LINGO2: variants seen among roughly 807,000 people sequenced by gnomAD.
LINGO2 encodes leucine rich repeat and Ig domain containing 2.
Under a neutral mutation model 30.6 loss-of-function variants are expected in LINGO2, and 14 were observed. The ratio of observed to expected loss-of-function variants is 0.46; its 90% CI spans 0.30 to 0.72. The LOEUF is 0.72. Among genes scored for constraint, LINGO2 ranks in the 30% least tolerant of loss-of-function variants. The pLI, the probability that LINGO2 is intolerant of heterozygous loss-of-function variation, is 0.07. For synonymous variants in LINGO2, 317 were observed against 288.5 expected (o/e 1.10, Z -1.00); for missense variants, 729 against 751.7 (o/e 0.97, Z 0.35).
chr9:28,313,894 C>G (rs951433991), intron 3 of LINGO2, among the ~76,000 whole-genome samples: 4 of 152,060 alleles, frequency 2.6e-5, no homozygotes, highest in African/African-American at 9.7e-5. Flanking sequence ...CTTAGTTGCT[C>G]AACACGTTGA....
chr9:28,057,360 T>C (rs1824976073), intron 4 of LINGO2, among the ~76,000 whole-genome samples: 2 of 151,810 alleles, frequency 1.3e-5, no homozygotes, highest in South Asian at 2.1e-4. Flanking sequence ...GGAAACAGCA[T>C]ATTCAGCCTT....
the LINGO2 span, among the ~76,000 whole-genome samples, chr9:28,876,232 GTAT>G: frequency 7.9e-5 from 12 of 151,552 alleles, no homozygotes; most frequent in South Asian, 2.1e-4. Context: ...CTACGATATA[GTAT>G]TATTATTATT....
chr9:28,406,783 T>C (rs1185603290), intron 2 of LINGO2, among the ~76,000 whole-genome samples: 3 of 152,172 alleles, frequency 2.0e-5, no homozygotes, highest in Non-Finnish European at 4.4e-5. Context: ...AGGATAAACA[T>C]GTTTCTAGAT....
the LINGO2 span, among the ~76,000 whole-genome samples, chr9:28,883,719 C>G: frequency 8.3e-5 from 11 of 133,222 alleles, no homozygotes; most frequent in East Asian, 2.3e-3. Context: ...GCTTTGTCAC[C>G]CAGGCTGAAG....
the LINGO2 span, among the ~76,000 whole-genome samples, chr9:29,058,185 T>A: frequency 6.6e-6 from 1 of 152,074 alleles, no homozygotes; most frequent in African/African-American, 2.4e-5. Flanking sequence ...GCTATTTTAA[T>A]ATACCTAAAT....
intron 4 of LINGO2, among the ~76,000 whole-genome samples, chr9:28,217,330 G>C (rs866286157): frequency 2.0e-4 from 30 of 151,714 alleles, no homozygotes; most frequent in Admixed American, 1.2e-3. Flanking sequence ...AATAGTTCCT[G>C]TGCCTATTGG....
intron 4 of LINGO2, among the ~76,000 whole-genome samples, chr9:28,286,558 C>A (rs1349561449): frequency 6.6e-6 from 1 of 152,152 alleles, no homozygotes; most frequent in Non-Finnish European, 1.5e-5. Context: ...TGGAATCAAT[C>A]TAAATGTCCA....
chr9:28,866,063 G>A, the LINGO2 span, among the ~76,000 whole-genome samples: 2 of 151,968 alleles, frequency 1.3e-5, no homozygotes, highest in African/African-American at 4.8e-5. Context: ...CTTCATGCAA[G>A]TCCCTCTTTA....
chr9:29,171,452 T>G, the LINGO2 span, among the ~76,000 whole-genome samples: 2 of 152,030 alleles, frequency 1.3e-5, no homozygotes, highest in Non-Finnish European at 2.9e-5. Flanking sequence ...TTTTCTTTGT[T>G]TGGGCATCTT....
intron 1 of LINGO2, among the ~76,000 whole-genome samples, chr9:28,493,162 GAC>G (rs751734563): frequency 3.3e-5 from 5 of 152,062 alleles, no homozygotes; most frequent in African/African-American, 9.7e-5. Flanking sequence ...TGCATTTCCT[GAC>G]ATAGGAAATG....
the LINGO2 span, among the ~76,000 whole-genome samples, chr9:28,911,796 A>G: frequency 2.0e-5 from 3 of 152,112 alleles, no homozygotes; most frequent in African/African-American, 7.2e-5. Context: ...AATGCCATAC[A>G]GAAAGAGATG....
downstream of LINGO2, among the ~76,000 whole-genome samples, chr9:27,946,824 C>T (rs1823382544): frequency 6.6e-6 from 1 of 152,066 alleles, no homozygotes; most frequent in Non-Finnish European, 1.5e-5. Context: ...ACAGGCAATT[C>T]TTCAATCTTT....
the LINGO2 span, among the ~76,000 whole-genome samples, chr9:28,701,159 A>T: frequency 2.0e-5 from 3 of 151,884 alleles, no homozygotes; most frequent in Non-Finnish European, 4.4e-5. Context: ...TTTTAATTTT[A>T]ATCAAACCCA....
chr9:28,707,840 G>A, the LINGO2 span, among the ~76,000 whole-genome samples: 3 of 152,174 alleles, frequency 2.0e-5, no homozygotes, highest in South Asian at 4.2e-4. Context: ...AAAGGGACTC[G>A]CAGGGAGTCC....
the LINGO2 span, among the ~76,000 whole-genome samples, chr9:28,838,777 C>CCACTTGGCGGGGCAGGCTA: frequency 6.6e-6 from 1 of 152,212 alleles, no homozygotes; most frequent in East Asian, 1.9e-4. Flanking sequence ...CTCATTCTGC[C>CCACTTGGCGGGGCAGGCTA]CACTTGGCGG....
intron 3 of LINGO2, among the ~76,000 whole-genome samples, chr9:28,340,493 A>G (rs976711647): frequency 4.6e-5 from 7 of 152,114 alleles, no homozygotes; most frequent in African/African-American, 1.7e-4. Context: ...ATTCCAACAT[A>G]TATCACACTA....
At chr9:28,391,947 G>T (rs999191123) in intron 2 of LINGO2, among the ~76,000 whole-genome samples, 1 of 152,056 alleles carries the variant, frequency 6.6e-6, no homozygotes, top group Non-Finnish European at 1.5e-5. Context: ...GGTGGCTCAC[G>T]CCTGTAATCT....
intron 4 of LINGO2, among the ~76,000 whole-genome samples, chr9:28,275,835 T>A (rs147574105): frequency 1.0e-3 from 152 of 152,216 alleles, no homozygotes; most frequent in African/African-American, 3.4e-3. Context: ...CCCAAGGAAA[T>A]AAAACAATGA....
intron 4 of LINGO2, among the ~76,000 whole-genome samples, chr9:28,187,726 T>C (rs943742535): frequency 6.6e-6 from 1 of 152,180 alleles, no homozygotes; most frequent in Non-Finnish European, 1.5e-5. Context: ...CAGAGTTATA[T>C]ATCTTTTGTG....
Sources: allele counts gnomAD v4.1 joint callset (sites outside exome capture counted in the v4.1 genomes callset), GRCh38; gene constraint gnomAD v4.1.1; transcripts MANE v1.5; gene names NCBI Gene and HGNC (gene_info 2026-07-23, HGNC 2026-07-21).